FAM110B: variants seen among roughly 807,000 people sequenced by gnomAD.
The protein encoded by FAM110B is family with sequence similarity 110 member B, also known as protein FAM110B.
A neutral mutation model predicts 20.4 loss-of-function variants in FAM110B; 6 were observed. That is an observed-to-expected ratio of 0.29 (90% confidence interval 0.16 to 0.58). The LOEUF (loss-of-function observed/expected upper bound fraction) is 0.58, where lower values mean the gene tolerates loss of function less well. Ranked by LOEUF, FAM110B falls within the 20% of genes least tolerant of loss-of-function variation. The pLI, the probability that FAM110B is intolerant of heterozygous loss-of-function variation, is 0.90. For missense variants in FAM110B, 434 were observed against 498.2 expected, an observed-to-expected ratio of 0.87 and a Z score of 1.23; for synonymous variants, 226 against 214.1, an observed-to-expected ratio of 1.06 and a Z score of -0.49.
chr8:58,116,091 C>T (rs769497883), intron 3 of FAM110B, among the ~76,000 whole-genome samples: 1 of 152,230 alleles, frequency 6.6e-6, no homozygotes, highest in African/African-American at 2.4e-5. Flanking sequence ...GACATACATA[C>T]GTACATACAT....
intron 3 of FAM110B, among the ~76,000 whole-genome samples, chr8:58,102,764 T>A (rs1391045214): frequency 6.6e-6 from 1 of 152,072 alleles, no homozygotes; most frequent in Non-Finnish European, 1.5e-5. Flanking sequence ...CATCTCCACT[T>A]CCCTTCTTTT....
At chr8:58,010,279 C>T (rs1280973430) in intron 1 of FAM110B, among the ~76,000 whole-genome samples, 1 of 151,920 alleles carries the variant, frequency 6.6e-6, no homozygotes, top group African/African-American at 2.4e-5. Context: ...GCCTTGGCCT[C>T]CCACAGTGCT....
At chr8:58,048,976 C>T (rs1324129257) in intron 2 of FAM110B, among the ~76,000 whole-genome samples, 3 of 152,090 alleles carry the variant, frequency 2.0e-5, no homozygotes, top group East Asian at 1.9e-4. Flanking sequence ...TAGAGTAATA[C>T]CGATTGAGAT....
intron 3 of FAM110B, among the ~76,000 whole-genome samples, chr8:58,139,261 A>C (rs535646711): frequency 6.6e-6 from 1 of 152,360 alleles, no homozygotes; most frequent in African/African-American, 2.4e-5. Context: ...AGATTATTTT[A>C]CTTGCAATCC....
chr8:58,098,603 C>G (rs1806693768), intron 3 of FAM110B, among the ~76,000 whole-genome samples: 1 of 152,150 alleles, frequency 6.6e-6, no homozygotes, highest in African/African-American at 2.4e-5. Context: ...AAAAGAAACC[C>G]CTGAAGCTAG....
intron 1 of FAM110B, among the ~76,000 whole-genome samples, chr8:58,027,582 C>T (rs535948300): frequency 5.3e-5 from 8 of 152,236 alleles, no homozygotes; most frequent in South Asian, 2.1e-4. Context: ...CGTGTTCTGT[C>T]GGGCGTCTTT....
intron 3 of FAM110B, among the ~76,000 whole-genome samples, chr8:58,140,165 C>A (rs2150641967): frequency 6.6e-6 from 1 of 152,140 alleles, no homozygotes; most frequent in South Asian, 2.1e-4. Flanking sequence ...TCTCCGTAGT[C>A]AAGTGGGAAG....
chr8:58,058,040 A>AATTGTCTGCATGTGGCTTTATT (rs1805583569), intron 2 of FAM110B, among the ~76,000 whole-genome samples: 3 of 152,146 alleles, frequency 2.0e-5, no homozygotes, highest in African/African-American at 7.2e-5. Context: ...CATGTTTTAG[A>AATTGTCTGCATGTGGCTTTATT]ATTGTCTGCA....
chr8:58,009,511 T>C (rs1804484437), intron 1 of FAM110B, among the ~76,000 whole-genome samples: 1 of 152,244 alleles, frequency 6.6e-6, no homozygotes. Flanking sequence ...GAAAAGAATG[T>C]AAAATAACTC....
At chr8:58,051,828 A>G (rs967382431) in intron 2 of FAM110B, among the ~76,000 whole-genome samples, 11 of 152,230 alleles carry the variant, frequency 7.2e-5, no homozygotes, top group African/African-American at 2.7e-4. Context: ...TGTATTTCAC[A>G]TGGAATTGTA....
intron 2 of FAM110B, among the ~76,000 whole-genome samples, chr8:58,037,026 G>C (rs1413411149): frequency 6.6e-6 from 1 of 152,050 alleles, no homozygotes; most frequent in African/African-American, 2.4e-5. Flanking sequence ...TTGAGTAAAG[G>C]GGAAGAACAT....
intron 3 of FAM110B, among the ~76,000 whole-genome samples, chr8:58,142,246 C>T (rs1313265185): frequency 6.6e-6 from 1 of 152,218 alleles, no homozygotes; most frequent in Admixed American, 6.5e-5. Context: ...TGCTGGCTAG[C>T]ACAGAAATGG....
chr8:58,023,355 A>G (rs962924978), intron 1 of FAM110B, among the ~76,000 whole-genome samples: 1 of 152,206 alleles, frequency 6.6e-6, no homozygotes, highest in African/African-American at 2.4e-5. Context: ...GTCAGCTAAT[A>G]AAGGATTTTG....
chr8:58,140,036 G>A (rs770293025), intron 3 of FAM110B, among the ~76,000 whole-genome samples: 2 of 152,202 alleles, frequency 1.3e-5, no homozygotes, highest in Non-Finnish European at 2.9e-5. Flanking sequence ...CAGCAGGAAT[G>A]GACACAGTGG....
intron 2 of FAM110B, among the ~76,000 whole-genome samples, chr8:58,071,519 A>G (rs572164179): frequency 6.6e-6 from 1 of 152,274 alleles, no homozygotes; most frequent in South Asian, 2.1e-4. Context: ...ATTTGTTCAA[A>G]TACCTGCTCT....
At chr8:58,081,583 A>C (rs1806192144) in intron 3 of FAM110B, among the ~76,000 whole-genome samples, 1 of 152,034 alleles carries the variant, frequency 6.6e-6, no homozygotes. Flanking sequence ...CTGTCTACTA[A>C]ATTTAAATTC....
Position 58,146,313 on chromosome 8 carries a change from G to T in FAM110B, c.83G>T (p.Arg28Leu), listed in dbSNP as rs750911929. ...ACCTTCACCTCTGCTGTGCCCCTGC[G>T]CATCCTGAACAAGGGGCCAGACTAC... ...AGTFTSAVPLRILNKGPDYFR... is the reference protein window; with the variant it reads ...AGTFTSAVPLLILNKGPDYFR... Residue 28 changes from arginine (R) to leucine (L), a missense_variant, in exon 4 of 4, where the codon CGC becomes CTC. Transcript: ENST00000519262. The T allele has an allele frequency of 1.2e-6, 2 of 1,613,830 alleles. No individual in the cohort carries two copies. The highest frequency in any genetic ancestry group is 1.3e-5 in the African/African-American group (1 of 74,924).
intron 3 of FAM110B, chr8:58,113,334 G>A: frequency 4.6e-6 from 1 of 215,918 alleles, no homozygotes; most frequent in Non-Finnish European, 9.9e-6. Flanking sequence ...GAATGCCCAT[G>A]TGGACAGTTG....
At chr8:58,143,542 G>A (rs141861955) in intron 3 of FAM110B, among the ~76,000 whole-genome samples, 127 of 152,342 alleles carry the variant, frequency 8.3e-4, no homozygotes, top group African/African-American at 6.5e-4. Context: ...GAGGGGTGTG[G>A]AACAATTGTG....
Sources: allele counts gnomAD v4.1 joint callset (sites outside exome capture counted in the v4.1 genomes callset), GRCh38; gene constraint gnomAD v4.1.1; transcripts MANE v1.5; gene names NCBI Gene and HGNC (gene_info 2026-07-23, HGNC 2026-07-21).